The following ACADM variants were observed in gnomAD, a reference collection of about 807,000 sequenced individuals.
ACADM encodes the protein acyl-CoA dehydrogenase medium chain.
A neutral mutation model predicts 58.9 loss-of-function variants in ACADM; 49 were observed. That is an observed-to-expected ratio of 0.83 (90% CI 0.66 to 1.06). The LOEUF (loss-of-function observed/expected upper bound fraction) is 1.06, where lower values mean the gene tolerates loss of function less well. Among genes scored for constraint, ACADM ranks in the 50% least tolerant of loss-of-function variants. ACADM has a pLI of 0.00. For synonymous variants in ACADM, 160 were observed against 157.7 expected (o/e 1.01, Z -0.11); for missense variants, 496 against 507.0 (o/e 0.98, Z 0.21).
intron 11 of ACADM, chr1:75,761,657 T>C: frequency 2.6e-6 from 1 of 387,114 alleles, no homozygotes; most frequent in East Asian, 5.2e-5. Context: ...TAACCCAAAC[T>C]TTTCTCTCCA....
chr1:75,725,388 A>AT, intron 1 of ACADM, among the ~76,000 whole-genome samples: 1 of 152,214 alleles, frequency 6.6e-6, no homozygotes, highest in Non-Finnish European at 1.5e-5. Flanking sequence ...CACCACTGCC[A>AT]TTTAGATGTC....
At chr1:75,744,159 CA>C (rs1351919532) in intron 7 of ACADM, 6 of 1,574,532 alleles carry the variant, frequency 3.8e-6, no homozygotes, top group African/African-American at 1.3e-5. Flanking sequence ...AGTGGTGGGA[CA>C]GCAGTGGGTT....
intron 7 of ACADM, chr1:75,743,616 G>A: frequency 6.4e-7 from 1 of 1,553,202 alleles, no homozygotes; most frequent in African/African-American, 1.4e-5. Flanking sequence ...CAGACAGGGG[G>A]GTTGATAATG....
rs1483888400 is a variant in ACADM, at chr1:75,743,977, TTG to T, written c.600-1826_600-1825del. On this transcript the variant is annotated intron_variant, in intron 7 of 11. Transcript: ENST00000370841. ...GTTATGTTTCTTCAAAAAAGCCTCTTTGTGCCGAGCCCTCATCTTCTGGATGT... is the reference window on the plus strand; with the variant it reads ...GTTATGTTTCTTCAAAAAAGCCTCTTTGCCGAGCCCTCATCTTCTGGATGT... The T allele has an allele frequency of 3.2e-6, 5 of 1,560,190 alleles. No individual in the cohort carries two copies. In the African/African-American group the frequency reaches 5.4e-5, roughly 17 times the overall value.
At chr1:75,760,970 G>C in intron 10 of ACADM, 152 bp from the exon 11 acceptor site, 1 of 718,536 alleles carries the variant, frequency 1.4e-6, no homozygotes, top group South Asian at 1.8e-5. Context: ...ACTTTGAGAG[G>C]CCTAAGTAGG....
intron 10 of ACADM, among the ~76,000 whole-genome samples, chr1:75,756,075 A>G (rs572007374): frequency 6.6e-6 from 1 of 152,336 alleles, no homozygotes; most frequent in East Asian, 1.9e-4. Flanking sequence ...TCTCAAAATA[A>G]TAGCTATTTA....
At chr1:75,751,738 A>G (rs1242012707) in intron 10 of ACADM, among the ~76,000 whole-genome samples, 3 of 151,970 alleles carry the variant, frequency 2.0e-5, no homozygotes, top group Non-Finnish European at 4.4e-5. Context: ...GCCTCAAGTG[A>G]TCTGCCTGCC....
chr1:75,733,127 C>T lies in ACADM; in HGVS notation c.286+205C>T. The T allele has an allele frequency of 4.3e-6, 7 of 1,612,848 alleles. No homozygotes were observed. The African/African-American group carries it at 6.7e-5, about 15-fold the overall frequency. ...TTTTCCTTCTTCTAACTGGTTCCAA[C>T]CTTAACTTGCACCTAAACCTTGGTA... On this transcript the variant is annotated intron_variant, in intron 4 of 11. Transcript: ENST00000370841.
Position 75,728,427 on chromosome 1 carries a change from T to A in ACADM, c.57T>A (p.His19Gln), listed in dbSNP as rs762984318. 1.2e-6 allele frequency: 2 copies of A among 1,613,554 alleles called. No homozygotes were observed. The highest frequency in any genetic ancestry group is 2.2e-5 in the South Asian group (2 of 91,020). The change falls in exon 2 of 12, where the codon CAT becomes CAA. Residue 19 changes from histidine to glutamine, a missense_variant. Physicochemically the swap from His to Gln is conservative, Grantham distance 24. Coordinates refer to ENST00000370841, the MANE Select transcript of ACADM (RefSeq NM_000016.6). ...TCCTGAGAAGTATTTCTCGTTTTCA[T>A]TGGAGATCACAGCATACAAAAGCCA... ...CRVLRSISRF[H>Q]WRSQHTKANR...
chr1:75,729,455 G>GC (rs1553122561), intron 2 of ACADM, among the ~76,000 whole-genome samples: 2 of 129,142 alleles, frequency 1.5e-5, no homozygotes, highest in Non-Finnish European at 3.2e-5. Flanking sequence ...AAGTTTCTGT[G>GC]TTTTTTTTTT....
chr1:75,746,412 G>A (rs1647903990), intron 8 of ACADM, among the ~76,000 whole-genome samples: 1 of 151,938 alleles, frequency 6.6e-6, no homozygotes, highest in South Asian at 2.1e-4. Context: ...AATATGGAAA[G>A]GCAAGAAAAT....
chr1:75,760,732 G>A (rs1242352248), intron 10 of ACADM, among the ~76,000 whole-genome samples: 2 of 152,008 alleles, frequency 1.3e-5, no homozygotes, highest in African/African-American at 4.8e-5. Flanking sequence ...GTATAATGGT[G>A]GAAAAAGAAC....
intron 2 of ACADM, among the ~76,000 whole-genome samples, chr1:75,731,909 T>C (rs1309330091): frequency 6.6e-6 from 1 of 152,098 alleles, no homozygotes; most frequent in African/African-American, 2.4e-5. Flanking sequence ...CCCAGCACTT[T>C]GGGAGGCCAA....
At chr1:75,742,391 G>T (rs1647625545) in intron 7 of ACADM, among the ~76,000 whole-genome samples, 2 of 152,114 alleles carry the variant, frequency 1.3e-5, no homozygotes, top group Admixed American at 6.5e-5. Context: ...TCCTACCCCA[G>T]TCCACGTCCT....
intron 6 of ACADM, among the ~76,000 whole-genome samples, chr1:75,737,284 A>ATATATATATATATGTG (rs1201408748): frequency 2.3e-5 from 1 of 42,650 alleles, no homozygotes; most frequent in African/African-American, 1.2e-4. Context: ...ACACAAATAT[A>ATATATATATATATGTG]TATATATATA....
At chr1:75,741,006 A>G (rs947989266) in intron 7 of ACADM, among the ~76,000 whole-genome samples, 5 of 152,232 alleles carry the variant, frequency 3.3e-5, no homozygotes, top group African/African-American at 4.8e-5. Context: ...GCTTAGAATT[A>G]ATGAGTGAAA....
At chr1:75,729,451 C>A (rs1387749898) in intron 2 of ACADM, among the ~76,000 whole-genome samples, 2 of 86,510 alleles carry the variant, frequency 2.3e-5, no homozygotes, top group Non-Finnish European at 4.7e-5. Flanking sequence ...TGAAAAGTTT[C>A]TGTGTTTTTT....
At chr1:75,741,960 T>C (rs1647592904) in intron 7 of ACADM, among the ~76,000 whole-genome samples, 1 of 152,234 alleles carries the variant, frequency 6.6e-6, no homozygotes, top group Admixed American at 6.5e-5. Flanking sequence ...ACAAAAACAC[T>C]GACTTGCTGC....
rs58845970 is a variant in ACADM, at chr1:75,745,530, C to CAT, written c.600-270_600-269dup. ...ATGTCCTCTTTGTCTTTCAAAATAT[C>CAT]ATATATACTGTACTGCGGGTAACTG... is the stretch of plus-strand genomic sequence containing the variant. On this transcript the variant is annotated intron_variant, in intron 7 of 11. Coordinates refer to ENST00000370841, the MANE Select transcript of ACADM (RefSeq NM_000016.6). The CAT allele has an allele frequency of 0.62, 228,075 of 365,298 alleles. 72,413 individuals carry two copies. Among genetic ancestry groups the CAT allele is most frequent in the African/African-American group, 0.7 (33,752 of 48,062 alleles). The allele number at this position is 365,298 out of a possible 1,614,324, so 22.6% of individuals were successfully genotyped here.
Sources: gnomAD v4.1 joint callset for allele counts (sites outside exome capture counted in the v4.1 genomes callset) on GRCh38, gnomAD v4.1.1 for gene constraint, MANE v1.5 for transcripts, NCBI Gene and HGNC (gene_info 2026-07-23, HGNC 2026-07-21) for gene names.